KHDRBS2: variants seen among roughly 807,000 people sequenced by gnomAD.
The protein encoded by KHDRBS2 is KH RNA binding domain containing, signal transduction associated 2.
In KHDRBS2, 26 loss-of-function variants were observed where a neutral mutation model predicts 44.3. That is an observed-to-expected ratio of 0.59 (90% CI 0.43 to 0.81). The LOEUF (loss-of-function observed/expected upper bound fraction) is 0.81. Ranked by LOEUF, KHDRBS2 falls within the 40% of genes least tolerant of loss-of-function variation. The probability of loss-of-function intolerance (pLI) is 0.00; values close to 1 mark genes in which losing one functional copy is unlikely to be tolerated. For missense variants in KHDRBS2, 476 were observed against 433.1 expected (o/e 1.10, Z -0.88); for synonymous variants, 194 against 151.1 (o/e 1.28, Z -2.08).
intron 1 of KHDRBS2, among the ~76,000 whole-genome samples, chr6:62,227,599 G>T (rs753981037): frequency 2.6e-5 from 4 of 152,140 alleles, no homozygotes; most frequent in East Asian, 1.9e-4. Flanking sequence ...CTTGTCTTGT[G>T]CCAGTTTTCA....
chr6:61,901,441 A>G, intron 4 of KHDRBS2, 70 bp from the exon 5 acceptor site: 3 of 1,259,616 alleles, frequency 2.4e-6, no homozygotes, highest in Non-Finnish European at 2.2e-6. Context: ...AAAAAAAAAA[A>G]AGAAACAAAA....
chr6:62,036,332 G>A (rs1469265338), intron 3 of KHDRBS2, among the ~76,000 whole-genome samples: 5 of 151,894 alleles, frequency 3.3e-5, no homozygotes, highest in Admixed American at 2.0e-4. Flanking sequence ...TGTCCTATAA[G>A]TAATTTTACA....
the KHDRBS2 span, among the ~76,000 whole-genome samples, chr6:61,543,030 A>G: frequency 2.0e-5 from 3 of 151,942 alleles, no homozygotes; most frequent in East Asian, 1.9e-4. Flanking sequence ...CATCAGGGAA[A>G]CTCTCTAGAA....
the KHDRBS2 span, among the ~76,000 whole-genome samples, chr6:61,662,785 C>A: frequency 1.3e-5 from 2 of 151,760 alleles, no homozygotes; most frequent in Admixed American, 1.3e-4. Context: ...AATAGGAACA[C>A]TTTTACACTG....
chr6:61,692,527 AC>A (rs1478637894), intron 8 of KHDRBS2, among the ~76,000 whole-genome samples: 1 of 152,066 alleles, frequency 6.6e-6, no homozygotes, highest in East Asian at 1.9e-4. Context: ...CTGTGATAAA[AC>A]CTAAAATAAT....
chr6:61,753,037 C>A (rs1777954099), intron 6 of KHDRBS2, among the ~76,000 whole-genome samples: 1 of 152,038 alleles, frequency 6.6e-6, no homozygotes, highest in Non-Finnish European at 1.5e-5. Context: ...GCATTTTATT[C>A]CTCACTCTAT....
chr6:61,717,200 A>G (rs753166704), intron 7 of KHDRBS2, among the ~76,000 whole-genome samples: 59 of 152,186 alleles, frequency 3.9e-4, no homozygotes, highest in Non-Finnish European at 7.2e-4. Flanking sequence ...TAGTTTAGTT[A>G]TTATCAAAAT....
intron 6 of KHDRBS2, among the ~76,000 whole-genome samples, chr6:61,798,452 GTAAT>G (rs990157839): frequency 2.0e-5 from 3 of 152,118 alleles, no homozygotes; most frequent in African/African-American, 4.8e-5. Flanking sequence ...TTAGAGAAGA[GTAAT>G]TAGTCACGGT....
intron 1 of KHDRBS2, among the ~76,000 whole-genome samples, chr6:62,272,625 A>C (rs984900849): frequency 6.6e-6 from 1 of 152,150 alleles, no homozygotes; most frequent in African/African-American, 2.4e-5. Context: ...AATACAAAGG[A>C]AAAAAGTATC....
At position 61,917,430 on chromosome 6, in the gene KHDRBS2, A is replaced by G. The variant is rs186889203; in HGVS notation, c.484-16059T>C. ...TACTATATGATTCAAAATATATGAC[A>G]TTCTAGAAAAAGCAAAATTACAGAG... On this transcript the variant is annotated intron_variant, in intron 4 of 8. Transcript: ENST00000281156. 9.7e-4 allele frequency among the ~76,000 whole-genome samples: 148 copies of G among 152,080 alleles called. 1 individual carries two copies. Among genetic ancestry groups the G allele is most frequent in the African/African-American group, 3.3e-3 (137 of 41,554 alleles).
intron 6 of KHDRBS2, 46 bp from the exon 7 acceptor site, chr6:61,732,810 A>T (rs765923152): frequency 1.0e-6 from 1 of 999,072 alleles, no homozygotes; most frequent in Non-Finnish European, 1.6e-6. Flanking sequence ...AATTTGATTA[A>T]CTTTGATCTG....
intron 8 of KHDRBS2, among the ~76,000 whole-genome samples, chr6:61,682,356 T>TA (rs1024829131): frequency 1.8e-4 from 28 of 151,898 alleles, no homozygotes; most frequent in Admixed American, 1.1e-3. Context: ...TGATAATAAA[T>TA]AAAAAATTAT....
chr6:62,045,466 T>A (rs923115316), intron 3 of KHDRBS2, among the ~76,000 whole-genome samples: 1 of 152,002 alleles, frequency 6.6e-6, no homozygotes, highest in African/African-American at 2.4e-5. Context: ...TAACCTCTTT[T>A]CCCTGCTTCT....
chr6:61,690,705 ATACCCAGTG>A lies in KHDRBS2; in HGVS notation c.952+6481_952+6489del, dbSNP rs140132638. The stretch of plus-strand genomic sequence containing the variant: ...AACAAACACAATGTTTGATTACAAA[ATACCCAGTG>A]TTATAAAAGGAGCCTGCATATAAGT... On this transcript the variant is annotated intron_variant, in intron 8 of 8. Coordinates refer to ENST00000281156, the MANE Select transcript of KHDRBS2 (RefSeq NM_152688.4). Among the ~76,000 whole-genome samples, 761 of 152,158 alleles carry A rather than the reference ATACCCAGTG, an allele frequency of 5.0e-3. 5 individuals are homozygous for A. The highest frequency in any genetic ancestry group is 7.5e-3 in the Non-Finnish European group (507 of 67,982).
chr6:61,571,434 A>C, the KHDRBS2 span, among the ~76,000 whole-genome samples: 1 of 152,200 alleles, frequency 6.6e-6, no homozygotes, highest in African/African-American at 2.4e-5. Context: ...TTACTACTAG[A>C]CCTAATAAAT....
chr6:62,151,413 T>A (rs1470164274), intron 2 of KHDRBS2, among the ~76,000 whole-genome samples: 1 of 152,202 alleles, frequency 6.6e-6, no homozygotes, highest in South Asian at 2.1e-4. Flanking sequence ...GATAACCCAC[T>A]TTTTGAAAAT....
chr6:61,832,664 G>C (rs950692729), intron 6 of KHDRBS2, among the ~76,000 whole-genome samples: 3 of 151,972 alleles, frequency 2.0e-5, no homozygotes, highest in African/African-American at 7.3e-5. Flanking sequence ...TTGTTTGTTA[G>C]GTCTTAAAGA....
intron 6 of KHDRBS2, among the ~76,000 whole-genome samples, chr6:61,824,545 T>C (rs566517131): frequency 2.1e-4 from 32 of 152,238 alleles, no homozygotes; most frequent in African/African-American, 5.8e-4. Flanking sequence ...TAGTTCTTTA[T>C]AGCAGTGTAA....
intron 4 of KHDRBS2, among the ~76,000 whole-genome samples, chr6:61,934,033 A>G (rs1810578326): frequency 6.6e-6 from 1 of 151,900 alleles, no homozygotes. Context: ...TGTGGTTTTG[A>G]TTTGCATTAG....
Sources: gnomAD v4.1 joint callset for allele counts (sites outside exome capture counted in the v4.1 genomes callset) on GRCh38, gnomAD v4.1.1 for gene constraint, MANE v1.5 for transcripts, NCBI Gene and HGNC (gene_info 2026-07-23, HGNC 2026-07-21) for gene names.